The following HMGA2 variants were observed in gnomAD, a reference collection of about 807,000 sequenced individuals.
HMGA2 encodes the protein high mobility group protein HMGI-C.
HMGA2 carries 8 observed loss-of-function variants against 19.1 expected under a neutral mutation model. That is an observed-to-expected ratio of 0.42 (90% CI 0.25 to 0.76). The LOEUF is 0.76. Ranked by LOEUF, HMGA2 falls within the 30% of genes least tolerant of loss-of-function variation. The pLI is 0.28. For synonymous variants in HMGA2, 60 were observed against 48.8 expected (o/e 1.23, Z -0.96); for missense variants, 109 against 136.3 (o/e 0.80, Z 1.00).
chr12:65,955,878 G>A (rs1021452350), intron 4 of HMGA2: 1 of 152,168 alleles, frequency 6.6e-6, no homozygotes, highest in Non-Finnish European at 1.5e-5. Context: ...AGACTTCAAG[G>A]GCAGTTTTAA....
intron 3 of HMGA2, among the ~76,000 whole-genome samples, chr12:65,915,726 A>T (rs1412202696): frequency 6.6e-6 from 1 of 152,048 alleles, no homozygotes; most frequent in South Asian, 2.1e-4. Flanking sequence ...CTTGACTTAC[A>T]TTTTTTTGTT....
At chr12:65,905,295 C>T (rs952278653) in intron 3 of HMGA2, among the ~76,000 whole-genome samples, 4 of 151,794 alleles carry the variant, frequency 2.6e-5, no homozygotes, top group East Asian at 1.9e-4. Flanking sequence ...ATGAAATTGC[C>T]GTTTTTGTAG....
chr12:65,965,745 C>T lies in HMGA2; in HGVS notation c.*2453C>T, dbSNP rs754249723. The T allele has an allele frequency of 1.3e-5, 3 of 222,276 alleles. No homozygotes were observed. The highest frequency in any genetic ancestry group is 5.8e-5 in the Admixed American group (1 of 17,386). 13.8% of individuals were successfully genotyped at this position (222,276 alleles called of 1,614,324 possible). On this transcript the variant is annotated 3_prime_UTR_variant, in exon 5 of 5. Transcript: ENST00000403681. ...CTCATGTTGGCCAAACATGGTGCAC[C>T]GAGTGATTTCCATCTCTGGTAAAGT...
At chr12:65,925,763 G>A (rs1320471187) in intron 3 of HMGA2, among the ~76,000 whole-genome samples, 1 of 140,906 alleles carries the variant, frequency 7.1e-6, no homozygotes, top group Non-Finnish European at 1.5e-5. Context: ...AGATCTTTGA[G>A]AGAATGCGGA....
At chr12:65,829,743 C>T (rs374215174) in intron 2 of HMGA2, among the ~76,000 whole-genome samples, 388 of 151,958 alleles carry the variant, frequency 2.6e-3, no homozygotes, top group South Asian at 8.9e-3. Context: ...TAGATAGAAA[C>T]GCTCCCATCG....
chr12:65,937,757 C>T (rs184388981), intron 3 of HMGA2, among the ~76,000 whole-genome samples: 9 of 152,312 alleles, frequency 5.9e-5, no homozygotes, highest in Non-Finnish European at 1.3e-4. Flanking sequence ...TCTTCTACCT[C>T]CTCAGGAACA....
intron 3 of HMGA2, among the ~76,000 whole-genome samples, chr12:65,868,287 G>A (rs550558835): frequency 1.4e-4 from 22 of 152,056 alleles, no homozygotes; most frequent in Non-Finnish European, 2.5e-4. Flanking sequence ...GCAGTATCAC[G>A]TTTCTGACTT....
intron 3 of HMGA2, among the ~76,000 whole-genome samples, chr12:65,855,450 T>A (rs1021584276): frequency 0.014 from 1,516 of 106,054 alleles, 25 homozygotes; most frequent in African/African-American, 0.054. Flanking sequence ...TCTCTCTCTC[T>A]CTCTCTCTCA....
At chr12:65,905,007 A>G (rs934469512) in intron 3 of HMGA2, among the ~76,000 whole-genome samples, 4 of 151,894 alleles carry the variant, frequency 2.6e-5, no homozygotes, top group African/African-American at 7.3e-5. Context: ...GCGCCACTGC[A>G]CTCCAGCCTG....
intron 4 of HMGA2, chr12:65,958,161 C>T (rs1418462022): frequency 6.6e-6 from 1 of 152,208 alleles, no homozygotes; most frequent in Non-Finnish European, 1.5e-5. Context: ...ACCTTCTTTA[C>T]ATTAAACATG....
At chr12:65,861,489 T>C (rs1361448925) in intron 3 of HMGA2, among the ~76,000 whole-genome samples, 1 of 152,210 alleles carries the variant, frequency 6.6e-6, no homozygotes, top group East Asian at 1.9e-4. Context: ...GTATTTCTTA[T>C]TTTTTAATCA....
At chr12:65,958,649 C>T (rs551009974) in intron 4 of HMGA2, 35 of 152,184 alleles carry the variant, frequency 2.3e-4, no homozygotes, top group African/African-American at 5.8e-4. Flanking sequence ...TACTCATGAA[C>T]GTGGAAAACT....
At chr12:65,923,937 G>A (rs1005355788) in intron 3 of HMGA2, among the ~76,000 whole-genome samples, 12 of 152,138 alleles carry the variant, frequency 7.9e-5, no homozygotes, top group African/African-American at 9.7e-5. Context: ...TGCACCTGGC[G>A]GGGCGGAGGT....
At chr12:65,868,654 A>T (rs140401243) in intron 3 of HMGA2, among the ~76,000 whole-genome samples, 1 of 152,262 alleles carries the variant, frequency 6.6e-6, no homozygotes, top group East Asian at 1.9e-4. Context: ...TTCTTATCCA[A>T]TTCAGTGCAT....
intron 3 of HMGA2, among the ~76,000 whole-genome samples, chr12:65,884,535 T>C (rs1873577946): frequency 6.6e-6 from 1 of 152,190 alleles, no homozygotes; most frequent in Non-Finnish European, 1.5e-5. Context: ...AAGGGCAAAA[T>C]TTAAACTTTA....
At chr12:65,941,058 A>G (rs1291383353) in intron 3 of HMGA2, among the ~76,000 whole-genome samples, 2 of 152,214 alleles carry the variant, frequency 1.3e-5, no homozygotes, top group East Asian at 3.8e-4. Flanking sequence ...ATTCTATACA[A>G]TGCTAAACAA....
intron 3 of HMGA2, among the ~76,000 whole-genome samples, chr12:65,889,885 T>G (rs1162779142): frequency 6.6e-6 from 1 of 152,156 alleles, no homozygotes; most frequent in African/African-American, 2.4e-5. Flanking sequence ...TTGCTTCCTA[T>G]TTCTCCCTAC....
At chr12:65,872,099 C>T (rs530320558) in intron 3 of HMGA2, among the ~76,000 whole-genome samples, 3 of 152,116 alleles carry the variant, frequency 2.0e-5, no homozygotes, top group African/African-American at 7.2e-5. Flanking sequence ...TCATCCAGTC[C>T]GGAGCCTAGT....
chr12:65,825,460 A>T lies in HMGA2; in HGVS notation c.111+79A>T. The T allele has an allele frequency of 1.9e-6, 2 of 1,037,406 alleles. No homozygotes were observed. Among genetic ancestry groups the T allele is most frequent in the Non-Finnish European group, 2.6e-6 (2 of 776,206 alleles). The allele number at this position is 1,037,406 out of a possible 1,614,324, so 64.3% of individuals were successfully genotyped here. On this transcript the variant is annotated intron_variant, in intron 1 of 4. Coordinates refer to ENST00000403681, the MANE Select transcript of HMGA2 (RefSeq NM_003483.6). This position sits in a 1 kb window ranked among gnomAD's most constrained non-coding sequence, Gnocchi z 4.4. ...GCCCAGACACGCGCGGGGCGGCCGG[A>T]GTGCGGGAGCCCAGTCGCCGCGGCC...
Sources: allele counts gnomAD v4.1 joint callset (sites outside exome capture counted in the v4.1 genomes callset), GRCh38; gene constraint gnomAD v4.1.1; non-coding constraint Gnocchi (gnomAD v3.1); transcripts MANE v1.5; gene names NCBI Gene and HGNC (gene_info 2026-07-23, HGNC 2026-07-21).